The following ACOXL variants were observed in gnomAD, a reference collection of about 807,000 sequenced individuals.
The protein encoded by ACOXL is acyl-CoA oxidase like.
Under a neutral mutation model 71.9 loss-of-function variants are expected in ACOXL, and 70 were observed. That is an observed-to-expected ratio of 0.97 (90% confidence interval 0.80 to 1.19). The LOEUF (loss-of-function observed/expected upper bound fraction) is 1.19. Among genes scored for constraint, ACOXL ranks in the 50% most tolerant of loss-of-function variants. The pLI, the probability that ACOXL is intolerant of heterozygous loss-of-function variation, is 0.00. For synonymous variants in ACOXL, 253 were observed against 281.6 expected (o/e 0.90, Z 1.02); for missense variants, 703 against 736.3 (o/e 0.95, Z 0.52).
At chr2:110,885,672 A>T (rs918578306) in intron 10 of ACOXL, among the ~76,000 whole-genome samples, 14 of 152,206 alleles carry the variant, frequency 9.2e-5, no homozygotes, top group Non-Finnish European at 4.4e-5. Context: ...GTACATAAAA[A>T]TGTTCAAACT....
chr2:110,848,610 T>G (rs2148915343), intron 10 of ACOXL, among the ~76,000 whole-genome samples: 1 of 152,298 alleles, frequency 6.6e-6, no homozygotes, highest in East Asian at 1.9e-4. Flanking sequence ...GTCCAGAGGT[T>G]AATGTAGCAG....
intron 14 of ACOXL, among the ~76,000 whole-genome samples, chr2:111,019,703 G>A (rs2064651458): frequency 1.3e-5 from 2 of 152,142 alleles, no homozygotes; most frequent in South Asian, 4.2e-4. Context: ...TTATATTGCC[G>A]GACTCCAGAC....
intron 12 of ACOXL, among the ~76,000 whole-genome samples, chr2:110,949,719 A>G (rs1402013845): frequency 6.6e-6 from 1 of 152,174 alleles, no homozygotes; most frequent in Non-Finnish European, 1.5e-5. Flanking sequence ...AGGGACATGT[A>G]TAGATGCTGC....
At chr2:110,758,279 G>A (rs1679955363) in intron 1 of ACOXL, among the ~76,000 whole-genome samples, 1 of 152,132 alleles carries the variant, frequency 6.6e-6, no homozygotes, top group Non-Finnish European at 1.5e-5. Flanking sequence ...GTATCATGCT[G>A]TTTTAGTTAC....
At chr2:110,745,260 T>G (rs1397262313) in intron 1 of ACOXL, among the ~76,000 whole-genome samples, 4 of 152,224 alleles carry the variant, frequency 2.6e-5, no homozygotes, top group Non-Finnish European at 5.9e-5. Context: ...TTCAGAGCTA[T>G]GGCACATGTG....
intron 12 of ACOXL, among the ~76,000 whole-genome samples, chr2:110,937,226 C>A (rs546605118): frequency 2.4e-4 from 36 of 152,124 alleles, no homozygotes; most frequent in Non-Finnish European, 4.0e-4. Flanking sequence ...TTCTGATGAC[C>A]AGCCCCCATC....
At chr2:110,894,185 A>G (rs1034811847) in intron 10 of ACOXL, among the ~76,000 whole-genome samples, 6 of 152,314 alleles carry the variant, frequency 3.9e-5, no homozygotes, top group African/African-American at 1.4e-4. Flanking sequence ...AAGCCTGGAC[A>G]TCATAAATAG....
intron 9 of ACOXL, among the ~76,000 whole-genome samples, chr2:110,839,269 C>T (rs1408085383): frequency 6.6e-6 from 1 of 152,256 alleles, no homozygotes; most frequent in Non-Finnish European, 1.5e-5. Flanking sequence ...GTAAAATTAT[C>T]TTATAATTAG....
intron 1 of ACOXL, among the ~76,000 whole-genome samples, chr2:110,741,775 G>A (rs1677570933): frequency 6.6e-6 from 1 of 152,084 alleles, no homozygotes; most frequent in African/African-American, 2.4e-5. Context: ...AAGGAATTTG[G>A]TTTAACCAAT....
chr2:110,922,583 G>A (rs537948005), intron 11 of ACOXL, among the ~76,000 whole-genome samples: 17 of 152,130 alleles, frequency 1.1e-4, no homozygotes, highest in Non-Finnish European at 1.3e-4. Context: ...TATGATAAAA[G>A]TGTTATATGT....
chr2:110,826,064 A>T (rs1473983711), intron 9 of ACOXL, among the ~76,000 whole-genome samples: 1 of 152,234 alleles, frequency 6.6e-6, no homozygotes, highest in Non-Finnish European at 1.5e-5. Context: ...ATCAAATTTC[A>T]GTGGCTTTAT....
chr2:110,883,677 G>A (rs1306239635), intron 10 of ACOXL, among the ~76,000 whole-genome samples: 1 of 152,060 alleles, frequency 6.6e-6, no homozygotes, highest in African/African-American at 2.4e-5. Context: ...ACAACTCTAA[G>A]TGCTATTTTA....
intron 2 of ACOXL, among the ~76,000 whole-genome samples, chr2:110,774,398 T>C (rs1460794168): frequency 6.6e-6 from 1 of 152,208 alleles, no homozygotes; most frequent in African/African-American, 2.4e-5. Context: ...ATAGTCTCTC[T>C]GAGCAGATGA....
intron 10 of ACOXL, among the ~76,000 whole-genome samples, chr2:110,904,827 C>T (rs956932905): frequency 1.1e-4 from 16 of 152,144 alleles, no homozygotes; most frequent in African/African-American, 3.6e-4. Flanking sequence ...GGCTCTGAGG[C>T]ATAGGATCTG....
At chr2:110,872,898 A>G (rs1695447224) in intron 10 of ACOXL, among the ~76,000 whole-genome samples, 1 of 152,216 alleles carries the variant, frequency 6.6e-6, no homozygotes, top group Non-Finnish European at 1.5e-5. Context: ...AAATGTCTCC[A>G]AGGAGAGAAG....
intron 17 of ACOXL, chr2:111,099,399 C>G (rs906072408): frequency 2.0e-5 from 3 of 152,224 alleles, no homozygotes; most frequent in Admixed American, 2.0e-4. Flanking sequence ...ACAGCTGTTA[C>G]TCCCCTGTAG....
intron 12 of ACOXL, among the ~76,000 whole-genome samples, chr2:110,965,521 G>A (rs2061885678): frequency 6.6e-6 from 1 of 152,218 alleles, no homozygotes; most frequent in Non-Finnish European, 1.5e-5. Flanking sequence ...GCACATCAAA[G>A]CATAGATAAG....
chr2:110,889,060 C>T lies in ACOXL; in HGVS notation c.789-19729C>T, dbSNP rs57007816. 2.8e-3 allele frequency among the ~76,000 whole-genome samples: 433 copies of T among 152,270 alleles called. 2 individuals are homozygous for T. Among genetic ancestry groups the T allele is most frequent in the African/African-American group, 0.01 (425 of 41,540 alleles). ...AGAATACCTTCTGCATGGAGTGTTC[C>T]TGAAGTGAGTTTTGTCTTGCATTTC... On this transcript the variant is annotated intron_variant, in intron 10 of 17. Transcript: ENST00000439055.
chr2:110,945,284 T>C (rs2061053423), intron 12 of ACOXL, among the ~76,000 whole-genome samples: 1 of 152,206 alleles, frequency 6.6e-6, no homozygotes, highest in South Asian at 2.1e-4. Flanking sequence ...TCCCATTCTG[T>C]AGGTTGTCTG....
Sources: gnomAD v4.1 joint callset for allele counts (sites outside exome capture counted in the v4.1 genomes callset) on GRCh38, gnomAD v4.1.1 for gene constraint, MANE v1.5 for transcripts, NCBI Gene and HGNC (gene_info 2026-07-23, HGNC 2026-07-21) for gene names.